THSD4: variants seen among roughly 807,000 people sequenced by gnomAD.
THSD4 encodes the protein thrombospondin type-1 domain-containing protein 4.
Under a neutral mutation model 119.0 loss-of-function variants are expected in THSD4, and 69 were observed. The ratio of observed to expected loss-of-function variants is 0.58; its 90% CI spans 0.48 to 0.71. The LOEUF (loss-of-function observed/expected upper bound fraction) is 0.71, where lower values mean the gene tolerates loss of function less well. Ranked by LOEUF, THSD4 falls within the 30% of genes least tolerant of loss-of-function variation. The pLI is 0.00. For synonymous variants in THSD4, 524 were observed against 540.4 expected, an observed-to-expected ratio of 0.97 and a Z score of 0.42; for missense variants, 1,393 against 1,391.1, an observed-to-expected ratio of 1.00 and a Z score of -0.02.
chr15:71,514,798 T>C (rs1213642448), intron 7 of THSD4, among the ~76,000 whole-genome samples: 2 of 152,222 alleles, frequency 1.3e-5, no homozygotes, highest in African/African-American at 2.4e-5. Context: ...CTATACGTGC[T>C]GTTTTATAAT....
chr15:71,663,173 G>T (rs1362917840), intron 8 of THSD4, among the ~76,000 whole-genome samples: 1 of 152,044 alleles, frequency 6.6e-6, no homozygotes, highest in Non-Finnish European at 1.5e-5. Flanking sequence ...GATCACTTGG[G>T]CCCAAGAGGT....
chr15:71,497,581 A>C (rs1490301488), intron 7 of THSD4, among the ~76,000 whole-genome samples: 1 of 151,888 alleles, frequency 6.6e-6, no homozygotes, highest in East Asian at 1.9e-4. Flanking sequence ...ATAATATATA[A>C]ATTTTTAAAA....
chr15:71,303,072 C>G (rs1177741308), intron 6 of THSD4, among the ~76,000 whole-genome samples: 3 of 146,964 alleles, frequency 2.0e-5, no homozygotes, highest in African/African-American at 8.1e-5. Context: ...CCATGCTTTC[C>G]TACCCAGGAG....
intron 7 of THSD4, among the ~76,000 whole-genome samples, chr15:71,637,455 A>G (rs1284251665): frequency 6.6e-6 from 1 of 152,188 alleles, no homozygotes; most frequent in Non-Finnish European, 1.5e-5. Context: ...AGGCAGTGGC[A>G]GAGAATAGCT....
At chr15:71,457,631 C>T (rs762502089) in intron 7 of THSD4, among the ~76,000 whole-genome samples, 7 of 152,140 alleles carry the variant, frequency 4.6e-5, no homozygotes, top group Non-Finnish European at 7.3e-5. Context: ...AGGGGCTTGA[C>T]ACTTGCTGGA....
chr15:71,703,658 A>G (rs1255658722), intron 8 of THSD4, among the ~76,000 whole-genome samples: 3 of 152,176 alleles, frequency 2.0e-5, no homozygotes, highest in Non-Finnish European at 4.4e-5. Flanking sequence ...GTCCAGCTGC[A>G]GGGCTCAGCT....
chr15:71,202,308 A>G (rs1285915078), intron 3 of THSD4, among the ~76,000 whole-genome samples: 1 of 152,154 alleles, frequency 6.6e-6, no homozygotes, highest in African/African-American at 2.4e-5. Context: ...TGTGGCCTTG[A>G]AAGTCGTTGT....
chr15:71,674,628 A>G (rs542512435), intron 8 of THSD4, among the ~76,000 whole-genome samples: 1 of 152,242 alleles, frequency 6.6e-6, no homozygotes, highest in Admixed American at 6.5e-5. Context: ...TAAACTTTAA[A>G]GGTGATTGCA....
intron 7 of THSD4, among the ~76,000 whole-genome samples, chr15:71,416,100 A>T (rs1566975594): frequency 6.6e-6 from 1 of 152,242 alleles, no homozygotes; most frequent in African/African-American, 2.4e-5. Flanking sequence ...CCTGGCCCGA[A>T]GTTTGTCTTT....
chr15:71,677,335 T>G (rs2051673168), intron 8 of THSD4, among the ~76,000 whole-genome samples: 2 of 152,234 alleles, frequency 1.3e-5, no homozygotes, highest in South Asian at 4.1e-4. Context: ...TGTTTTTTAT[T>G]TGGACTCAGT....
intron 1 of THSD4, among the ~76,000 whole-genome samples, chr15:71,097,294 G>T (rs1469504775): frequency 6.6e-6 from 1 of 152,190 alleles, no homozygotes; most frequent in Non-Finnish European, 1.5e-5. Context: ...GCTGGGCACG[G>T]TGGTTGACGC....
intron 1 of THSD4, among the ~76,000 whole-genome samples, chr15:71,107,391 AAAAG>A (rs897132238): frequency 2.8e-4 from 43 of 152,250 alleles, no homozygotes; most frequent in Non-Finnish European, 4.6e-4. Context: ...GGAGAAAAAG[AAAAG>A]AAAGAAAGAA....
chr15:71,573,406 A>AT (rs1311047897), intron 7 of THSD4, among the ~76,000 whole-genome samples: 1 of 152,196 alleles, frequency 6.6e-6, no homozygotes, highest in Non-Finnish European at 1.5e-5. Flanking sequence ...AAGAAACTTC[A>AT]TTTTTTAGTG....
At chr15:71,408,226 GGTT>G (rs987660185) in intron 6 of THSD4, among the ~76,000 whole-genome samples, 7 of 151,888 alleles carry the variant, frequency 4.6e-5, no homozygotes, top group East Asian at 1.9e-4. Flanking sequence ...ACCCTTCAAA[GGTT>G]GTTGTTGTTG....
intron 7 of THSD4, among the ~76,000 whole-genome samples, chr15:71,499,044 G>C: frequency 6.6e-6 from 1 of 151,932 alleles, no homozygotes; most frequent in East Asian, 1.9e-4. Context: ...CCAAGCTCAA[G>C]AACCCTCATT....
intron 8 of THSD4, among the ~76,000 whole-genome samples, chr15:71,683,269 G>A (rs563114993): frequency 4.6e-5 from 7 of 151,676 alleles, no homozygotes; most frequent in Non-Finnish European, 1.0e-4. Flanking sequence ...ATTATTCCAG[G>A]TGAATTTTTG....
chr15:71,754,885 T>G (rs937244224), intron 14 of THSD4, among the ~76,000 whole-genome samples: 2 of 152,078 alleles, frequency 1.3e-5, no homozygotes, highest in African/African-American at 4.8e-5. Context: ...GGAGAAGTGA[T>G]TAGACAAAGG....
intron 3 of THSD4, among the ~76,000 whole-genome samples, chr15:71,162,659 G>T (rs1443164223): frequency 1.3e-5 from 2 of 151,996 alleles, no homozygotes; most frequent in Admixed American, 1.3e-4. Flanking sequence ...CCTGAATGTG[G>T]ATGTCTGTAT....
chr15:71,259,962 G>A lies in THSD4; in HGVS notation c.1015+3247G>A, dbSNP rs530121895. 3.4e-4 allele frequency among the ~76,000 whole-genome samples: 52 copies of A among 152,300 alleles called. 1 individual carries two copies. In the South Asian group the frequency reaches 0.01, roughly 30 times the overall value. On this transcript the variant is annotated intron_variant, in intron 6 of 17. Coordinates refer to ENST00000261862, the MANE Select transcript of THSD4 (RefSeq NM_024817.3). The stretch of plus-strand genomic sequence containing the variant: ...GCTGCTTTATTGTGATTACCTGGGG[G>A]GAAAGATGAATTCCACACTACACTG...
Sources: gnomAD v4.1 joint callset for allele counts (sites outside exome capture counted in the v4.1 genomes callset) on GRCh38, gnomAD v4.1.1 for gene constraint, MANE v1.5 for transcripts, NCBI Gene and HGNC (gene_info 2026-07-23, HGNC 2026-07-21) for gene names.